KCNK3: variants seen among roughly 807,000 people sequenced by gnomAD.
KCNK3 encodes potassium two pore domain channel subfamily K member 3, also known as potassium channel subfamily K member 3.
A neutral mutation model predicts 27.3 loss-of-function variants in KCNK3; 9 were observed. The ratio of observed to expected loss-of-function variants is 0.33; its 90% CI spans 0.20 to 0.57. The LOEUF is 0.57. KCNK3 is among the 20% of genes least tolerant of loss of function. KCNK3 has a pLI of 0.87. For synonymous variants in KCNK3, 278 were observed against 273.8 expected, an observed-to-expected ratio of 1.02 and a Z score of -0.15; for missense variants, 391 against 577.7, an observed-to-expected ratio of 0.68 and a Z score of 3.31.
chr2:26,715,015 C>T (rs958159223), intron 1 of KCNK3, among the ~76,000 whole-genome samples: 1 of 152,222 alleles, frequency 6.6e-6, no homozygotes, highest in African/African-American at 2.4e-5. Context: ...TGGCCTTGTC[C>T]AAATCACCAA....
chr2:26,693,244 G>A lies in KCNK3; in HGVS notation c.283+86G>A. On this transcript the variant is annotated intron_variant, in intron 1 of 1. Coordinates refer to ENST00000302909, the MANE Select transcript of KCNK3 (RefSeq NM_002246.3). The surrounding 1 kb of genome is among the most constrained non-coding windows in gnomAD (Gnocchi z 5.5). ...TCCGGGGCCGGCTGGGGCTGGGGGC[G>A]GGGGCTCCCCCGAGAGGGGCTGGGC... 8.3e-7 allele frequency: 1 copy of A among 1,203,626 alleles called. No homozygotes were observed. Among genetic ancestry groups the A allele is most frequent in the Non-Finnish European group, 1.1e-6 (1 of 914,400 alleles). 74.6% of individuals were successfully genotyped at this position (1,203,626 alleles called of 1,614,324 possible).
intron 1 of KCNK3, among the ~76,000 whole-genome samples, chr2:26,711,176 G>A (rs531219836): frequency 6.6e-6 from 1 of 152,208 alleles, no homozygotes; most frequent in African/African-American, 2.4e-5. Context: ...TCTCTGTCAT[G>A]AAGCTGATAC....
rs532634295 is a variant in KCNK3, at chr2:26,704,819, A to G, written c.283+11661A>G. On this transcript the variant is annotated intron_variant, in intron 1 of 1. Coordinates refer to ENST00000302909, the MANE Select transcript of KCNK3 (RefSeq NM_002246.3). Reference sequence around the variant, plus strand: ...CACACAGATCTTACCCCCAACATGGAGCAGCCGCTCCTCAGGGAGCCTGCC... The same window carrying G: ...CACACAGATCTTACCCCCAACATGGGGCAGCCGCTCCTCAGGGAGCCTGCC... Among the ~76,000 whole-genome samples the G allele has an allele frequency of 4.6e-5, 7 of 152,358 alleles. No homozygotes were observed. The South Asian group carries it at 1.4e-3, about 32-fold the overall frequency.
intron 1 of KCNK3, among the ~76,000 whole-genome samples, chr2:26,709,109 A>C (rs1209102536): frequency 1.3e-5 from 2 of 152,124 alleles, no homozygotes; most frequent in Non-Finnish European, 2.9e-5. Flanking sequence ...CATTTACTAG[A>C]TGGAAAAGAA....
intron 1 of KCNK3, among the ~76,000 whole-genome samples, chr2:26,720,290 G>A (rs1243819638): frequency 3.3e-5 from 5 of 152,126 alleles, no homozygotes; most frequent in Admixed American, 3.3e-4. Context: ...AAAACGAGTG[G>A]GTTGAACTAC....
chr2:26,727,807 C>T lies in KCNK3; in HGVS notation c.424C>T (p.Arg142Cys). The T allele has an allele frequency of 1.2e-6, 2 of 1,611,148 alleles. No individual in the cohort carries two copies. The highest frequency in any genetic ancestry group is 8.5e-7 in the Non-Finnish European group (1 of 1,177,812). The change falls in exon 2 of 2, where the codon CGC (arginine) becomes TGC (cysteine). Residue 142 changes from arginine (R) to cysteine (C), a missense_variant. Coordinates refer to ENST00000302909, the MANE Select transcript of KCNK3 (RefSeq NM_002246.3). ...INTLVRYLLH[R>C]AKKGLGMRRA... ...CACCTTGGTGAGGTACCTGCTGCAC[C>T]GCGCCAAGAAGGGGCTGGGCATGCG...
At position 26,728,506 on chromosome 2, in the gene KCNK3, T is replaced by A. The variant is rs767302701; in HGVS notation, c.1123T>A (p.Ser375Thr). The A allele has an allele frequency of 1.3e-6, 2 of 1,524,588 alleles. No individual in the cohort carries two copies. The highest frequency in any genetic ancestry group is 2.8e-5 in the African/African-American group (2 of 72,000). 94.4% of individuals were successfully genotyped at this position (1,524,588 alleles called of 1,614,324 possible). Residue 375 changes from serine (S) to threonine (T), a missense_variant, in exon 2 of 2, where the codon TCC (serine) becomes ACC (threonine). By Grantham distance (58) the Ser-to-Thr change is moderately conservative. Around this residue, in one of 4 missense-constraint regions of KCNK3, gnomAD observed 192 missense variants for 196.0 expected, o/e 0.98. Coordinates refer to ENST00000302909, the MANE Select transcript of KCNK3 (RefSeq NM_002246.3). The part of the protein sequence containing the change: ...GAPRSAISSV[S>T]TGLHSLSTFR... Reference sequence around the variant, plus strand: ...GCCACGCTCCGCCATCAGCTCGGTGTCCACGGGTCTGCACAGCCTGTCCAC... The same window carrying A: ...GCCACGCTCCGCCATCAGCTCGGTGACCACGGGTCTGCACAGCCTGTCCAC...
intron 1 of KCNK3, among the ~76,000 whole-genome samples, chr2:26,708,006 G>A (rs1407107189): frequency 2.0e-5 from 3 of 152,134 alleles, no homozygotes; most frequent in Admixed American, 1.3e-4. Flanking sequence ...TAGGCCCCAG[G>A]GACTCAGCAG....
At chr2:26,710,465 C>T (rs546386336) in intron 1 of KCNK3, among the ~76,000 whole-genome samples, 1 of 152,310 alleles carries the variant, frequency 6.6e-6, no homozygotes, top group African/African-American at 2.4e-5. Context: ...CCGGTGCCTG[C>T]CACCACTCAC....
At chr2:26,717,097 C>T (rs1275436806) in intron 1 of KCNK3, among the ~76,000 whole-genome samples, 1 of 152,214 alleles carries the variant, frequency 6.6e-6, no homozygotes, top group Non-Finnish European at 1.5e-5. Flanking sequence ...TTACAGGAAA[C>T]AGTTTGCTGA....
intron 1 of KCNK3, among the ~76,000 whole-genome samples, chr2:26,700,127 T>A (rs1175060807): frequency 6.6e-6 from 1 of 152,188 alleles, no homozygotes; most frequent in African/African-American, 2.4e-5. Flanking sequence ...TCCAATCCTC[T>A]CAGTTCACAG....
intron 1 of KCNK3, among the ~76,000 whole-genome samples, chr2:26,695,554 G>T (rs1476429709): frequency 6.6e-6 from 1 of 152,206 alleles, no homozygotes; most frequent in Non-Finnish European, 1.5e-5. Flanking sequence ...CATTATAGGG[G>T]AAGTGTTTTG....
chr2:26,699,207 G>GAGAA (rs1553384397), intron 1 of KCNK3, among the ~76,000 whole-genome samples: 43,113 of 130,754 alleles, frequency 0.33, 7,551 homozygotes, highest in East Asian at 0.44. Context: ...AGGAAAGAGA[G>GAGAA]AGAAAGAAAG....
intron 1 of KCNK3, among the ~76,000 whole-genome samples, chr2:26,697,726 C>T (rs1670253221): frequency 6.6e-6 from 1 of 152,088 alleles, no homozygotes; most frequent in African/African-American, 2.4e-5. Flanking sequence ...AACAAAGAGA[C>T]CAGGTGATTG....
chr2:26,732,219 C>T lies in KCNK3; in HGVS notation c.*3651C>T, dbSNP rs572973076. 1 of 152,328 alleles carries T rather than the reference C, an allele frequency of 6.6e-6. No homozygotes were observed. The highest frequency in any genetic ancestry group is 6.5e-5 in the Admixed American group (1 of 15,292). 9.4% of individuals were successfully genotyped at this position (152,328 alleles called of 1,614,324 possible). A position where few individuals can be genotyped will look rare whatever the true frequency, so the allele number is the denominator to read the frequency against. Reference sequence around the variant, plus strand: ...TACAATCCACAGTAATAGCACACAGCTCTGTACCTATCTAGCTCCATGCCT... The same window carrying T: ...TACAATCCACAGTAATAGCACACAGTTCTGTACCTATCTAGCTCCATGCCT... On this transcript the variant is annotated 3_prime_UTR_variant, in exon 2 of 2. Transcript: ENST00000302909.
At chr2:26,707,272 T>A (rs756776823) in intron 1 of KCNK3, among the ~76,000 whole-genome samples, 1 of 152,096 alleles carries the variant, frequency 6.6e-6, no homozygotes, top group Non-Finnish European at 1.5e-5. Context: ...CAGTAGTCCC[T>A]GGAATGGAGT....
chr2:26,732,973 G>C lies in KCNK3; in HGVS notation c.*4405G>C, dbSNP rs1663567917. 6.6e-6 allele frequency: 1 copy of C among 152,230 alleles called. No homozygotes were observed. Among genetic ancestry groups the C allele is most frequent in the African/African-American group, 2.4e-5 (1 of 41,440 alleles). 9.4% of individuals were successfully genotyped at this position (152,230 alleles called of 1,614,324 possible). On this transcript the variant is annotated 3_prime_UTR_variant, in exon 2 of 2. Transcript: ENST00000302909. ...TGTGACAGCTGGGCAGAGCAGTGGT[G>C]AACTGCACCCATGTCCCTGCTCACA...
intron 1 of KCNK3, among the ~76,000 whole-genome samples, chr2:26,701,453 C>A (rs1335207429): frequency 1.3e-5 from 2 of 152,150 alleles, no homozygotes; most frequent in African/African-American, 4.8e-5. Flanking sequence ...AACAGGGGAC[C>A]ACTGGTCCTC....
At chr2:26,724,922 C>A (rs1275921) in intron 1 of KCNK3, among the ~76,000 whole-genome samples, 147,240 of 151,774 alleles carry the variant, frequency 0.97, 71,581 homozygotes, top group East Asian at 1. Context: ...TGGGTGTGGG[C>A]TAAGGACGGG....
Sources: gnomAD v4.1 joint callset for allele counts (sites outside exome capture counted in the v4.1 genomes callset) on GRCh38, gnomAD v4.1.1 for gene constraint, gnomAD v4.1.1 regional missense constraint, Gnocchi (gnomAD v3.1) non-coding constraint, MANE v1.5 for transcripts, NCBI Gene and HGNC (gene_info 2026-07-23, HGNC 2026-07-21) for gene names.